GRIA4: variants seen among roughly 807,000 people sequenced by gnomAD.
GRIA4 encodes the protein glutamate ionotropic receptor AMPA type subunit 4.
GRIA4 carries 34 observed loss-of-function variants against 104.0 expected under a neutral mutation model. That is an observed-to-expected ratio of 0.33 (90% CI 0.25 to 0.44). GRIA4 has a LOEUF of 0.44. Among genes scored for constraint, GRIA4 ranks in the 20% least tolerant of loss-of-function variants. The pLI is 1.00. For missense variants in GRIA4, 750 were observed against 1,096.5 expected, an observed-to-expected ratio of 0.68 and a Z score of 4.46; for synonymous variants, 386 against 381.9, an observed-to-expected ratio of 1.01 and a Z score of -0.13.
chr11:105,684,870 G>A (rs760982212), intron 3 of GRIA4, among the ~76,000 whole-genome samples: 107 of 151,628 alleles, frequency 7.1e-4, no homozygotes, highest in Non-Finnish European at 1.3e-3. Context: ...AAATTATCCT[G>A]CCTTACTAAC....
At chr11:105,733,585 T>C (rs1938737070) in intron 3 of GRIA4, among the ~76,000 whole-genome samples, 1 of 152,044 alleles carries the variant, frequency 6.6e-6, no homozygotes, top group Non-Finnish European at 1.5e-5. Flanking sequence ...GCCTCCCAAG[T>C]AGCTAGGATT....
chr11:105,714,930 C>A (rs1389720580), intron 3 of GRIA4, among the ~76,000 whole-genome samples: 1 of 152,010 alleles, frequency 6.6e-6, no homozygotes. Flanking sequence ...ACAGTCAAAC[C>A]ATCAGCTTTT....
intron 3 of GRIA4, among the ~76,000 whole-genome samples, chr11:105,734,609 C>T (rs1938816278): frequency 6.6e-6 from 1 of 152,154 alleles, no homozygotes; most frequent in Non-Finnish European, 1.5e-5. Context: ...TAACACTGTT[C>T]TCCAAGACTT....
intron 3 of GRIA4, among the ~76,000 whole-genome samples, chr11:105,721,685 C>T (rs1300590323): frequency 6.6e-6 from 1 of 152,154 alleles, no homozygotes. Context: ...ACACAAATTA[C>T]TTGTGCAATT....
chr11:105,861,979 G>C, intron 4 of GRIA4, 45 bp from the exon 5 acceptor site: 1 of 1,181,374 alleles, frequency 8.5e-7, no homozygotes, highest in Non-Finnish European at 1.3e-6. Flanking sequence ...CATCATTAAA[G>C]GGGAGTAAAA....
chr11:105,689,346 A>C (rs1467018055), intron 3 of GRIA4, among the ~76,000 whole-genome samples: 1 of 152,202 alleles, frequency 6.6e-6, no homozygotes, highest in Non-Finnish European at 1.5e-5. Flanking sequence ...CTGTTCTCCG[A>C]TGACAAAATT....
In GRIA4 at chr11:105,612,356, G is replaced by A; in HGVS notation, c.169G>A (p.Ala57Thr). 1 of 1,614,076 alleles carries A rather than the reference G, an allele frequency of 6.2e-7. No individual in the cohort carries two copies. The change falls in exon 3 of 17, where the codon GCG becomes ACG. Residue 57 changes from alanine (A) to threonine (T), a missense_variant. Around this residue, in one of 3 missense-constraint regions of GRIA4, gnomAD observed 410 missense variants for 502.7 expected, o/e 0.82. Coordinates refer to ENST00000282499, the MANE Select transcript of GRIA4 (RefSeq NM_000829.4). ...TTTTCTTCATAACACCAGCCCCAAT[G>A]CGTCGGAAGCTCCTTTTAATTTGGT... The part of the protein sequence containing the change: ...AIFLHNTSPN[A>T]SEAPFNLVPH...
intron 4 of GRIA4, among the ~76,000 whole-genome samples, chr11:105,834,761 G>T (rs192174754): frequency 1.4e-5 from 2 of 141,962 alleles, no homozygotes; most frequent in African/African-American, 5.2e-5. Flanking sequence ...GAGCCAATAA[G>T]TTCAGTTCCC....
chr11:105,655,357 A>G (rs966739119), intron 3 of GRIA4, among the ~76,000 whole-genome samples: 1 of 152,020 alleles, frequency 6.6e-6, no homozygotes, highest in African/African-American at 2.4e-5. Flanking sequence ...TTTAAATTAT[A>G]CTTTAAGTAA....
intron 3 of GRIA4, among the ~76,000 whole-genome samples, chr11:105,739,936 G>C (rs1036111672): frequency 1.3e-5 from 2 of 152,184 alleles, no homozygotes; most frequent in Non-Finnish European, 2.9e-5. Context: ...CAGTCCAAGA[G>C]GCTGAGCAGT....
At chr11:105,633,741 T>C (rs1951100047) in intron 3 of GRIA4, among the ~76,000 whole-genome samples, 1 of 152,158 alleles carries the variant, frequency 6.6e-6, no homozygotes, top group Non-Finnish European at 1.5e-5. Flanking sequence ...TAAATAACAA[T>C]ATCAGAATCA....
At chr11:105,813,928 G>A (rs1290114102) in intron 4 of GRIA4, among the ~76,000 whole-genome samples, 1 of 152,114 alleles carries the variant, frequency 6.6e-6, no homozygotes, top group African/African-American at 2.4e-5. Context: ...GGTGGTCCTG[G>A]AAAGCCTGTC....
At chr11:105,854,373 C>T (rs1051583347) in intron 4 of GRIA4, among the ~76,000 whole-genome samples, 2 of 152,270 alleles carry the variant, frequency 1.3e-5, no homozygotes, top group Admixed American at 1.3e-4. Context: ...GAAAGCACAG[C>T]AGGGTGAAGC....
chr11:105,636,489 T>C (rs1951205700), intron 3 of GRIA4, among the ~76,000 whole-genome samples: 1 of 152,176 alleles, frequency 6.6e-6, no homozygotes, highest in African/African-American at 2.4e-5. Context: ...ACATTGTATG[T>C]TTTTATCATT....
chr11:105,820,126 A>G (rs1048848942), intron 4 of GRIA4, among the ~76,000 whole-genome samples: 16 of 152,088 alleles, frequency 1.1e-4, no homozygotes, highest in Admixed American at 9.8e-4. Context: ...GAGGGAGCAG[A>G]CTTCAGACTT....
chr11:105,867,358 AG>A (rs1945459270), intron 5 of GRIA4, among the ~76,000 whole-genome samples: 1 of 152,226 alleles, frequency 6.6e-6, no homozygotes, highest in Non-Finnish European at 1.5e-5. Flanking sequence ...TACCATGTCT[AG>A]TACCATCTAA....
intron 6 of GRIA4, 24 bp from the exon 7 acceptor site, chr11:105,898,245 A>C (rs756222815): frequency 2.4e-6 from 3 of 1,259,344 alleles, no homozygotes; most frequent in East Asian, 2.3e-5. Flanking sequence ...TAAATTTAAC[A>C]ATCTTTTGTA....
intron 2 of GRIA4, among the ~76,000 whole-genome samples, chr11:105,611,347 T>C (rs923060660): frequency 4.6e-5 from 7 of 152,210 alleles, no homozygotes; most frequent in Middle Eastern, 3.4e-3. Flanking sequence ...TTAAGTAGGA[T>C]TGAAATAAGT....
intron 14 of GRIA4, among the ~76,000 whole-genome samples, chr11:105,950,169 T>G (rs531682583): frequency 9.2e-5 from 14 of 152,292 alleles, no homozygotes; most frequent in Non-Finnish European, 1.6e-4. Context: ...TAAAAAGCAG[T>G]GAAGCAAAGT....
Sources: gnomAD v4.1 joint callset for allele counts (sites outside exome capture counted in the v4.1 genomes callset) on GRCh38, gnomAD v4.1.1 for gene constraint, gnomAD v4.1.1 regional missense constraint, MANE v1.5 for transcripts, NCBI Gene and HGNC (gene_info 2026-07-23, HGNC 2026-07-21) for gene names.